The following CRYAB variants were observed in gnomAD, a reference collection of about 807,000 sequenced individuals.
The protein encoded by CRYAB is alpha-crystallin B chain.
Under a neutral mutation model 12.7 loss-of-function variants are expected in CRYAB, and 9 were observed. The ratio of observed to expected loss-of-function variants is 0.71; its 90% CI spans 0.43 to 1.24. CRYAB has a LOEUF of 1.24. Among genes scored for constraint, CRYAB ranks in the 50% most tolerant of loss-of-function variants. CRYAB has a pLI of 0.00. For synonymous variants in CRYAB, 93 were observed against 86.8 expected (o/e 1.07, Z -0.40); for missense variants, 183 against 226.6 (o/e 0.81, Z 1.24).
At chr11:111,912,949 CCCCCCA>C (rs1555165794), upstream of CRYAB, 2 of 969,354 alleles carry the variant, frequency 2.1e-6, no homozygotes, top group Non-Finnish European at 1.4e-6. Context: ...CACCCCCTTG[CCCCCCA>C]CCCCCACCCC....
intron 1 of CRYAB, chr11:111,918,627 T>C (rs1566421508): frequency 1.5e-6 from 1 of 670,736 alleles, no homozygotes; most frequent in South Asian, 1.5e-5. Context: ...GACAGAGTGA[T>C]GTAATGGAGA....
chr11:111,916,404 G>T (rs1187066709), upstream of CRYAB, among the ~76,000 whole-genome samples: 1 of 151,262 alleles, frequency 6.6e-6, no homozygotes, highest in Non-Finnish European at 1.5e-5. Flanking sequence ...CTAATTTTTT[G>T]TAGAGACTGG....
intron 1 of CRYAB, among the ~76,000 whole-genome samples, chr11:111,921,116 A>G (rs1965691179): frequency 6.6e-6 from 1 of 152,240 alleles, no homozygotes; most frequent in African/African-American, 2.4e-5. Context: ...GGAAGATGTC[A>G]TGTTATAAAT....
upstream of CRYAB, chr11:111,912,872 G>A: frequency 1.2e-6 from 2 of 1,609,726 alleles, no homozygotes. Context: ...GGCCACCGCC[G>A]AGTACGAATT....
chr11:111,911,204 A>G (rs2137383623), intron 1 of CRYAB, among the ~76,000 whole-genome samples: 1 of 152,294 alleles, frequency 6.6e-6, no homozygotes, highest in South Asian at 2.1e-4. Flanking sequence ...GTTGGAAGAG[A>G]TAAGCAAAGG....
chr11:111,912,096 G>A (rs565997666), upstream of CRYAB: 2 of 275,872 alleles, frequency 7.2e-6, no homozygotes, highest in East Asian at 8.2e-5. Flanking sequence ...ATGGGAGCCG[G>A]CGTAGTGTGC....
chr11:111,913,709 T>C (rs1157963661), upstream of CRYAB: 1 of 1,614,044 alleles, frequency 6.2e-7, no homozygotes, highest in Non-Finnish European at 8.5e-7. Context: ...GCCGCACCTA[T>C]GTCCTGCCTG....
At chr11:111,913,363 T>C (rs1555165837), upstream of CRYAB, 5 of 1,124,052 alleles carry the variant, frequency 4.4e-6, no homozygotes, top group Non-Finnish European at 6.5e-6. Flanking sequence ...CAATCCCTCC[T>C]CTCCAGATTT....
chr11:111,920,921 A>G (rs1965686868), intron 1 of CRYAB, among the ~76,000 whole-genome samples: 1 of 152,252 alleles, frequency 6.6e-6, no homozygotes, highest in Non-Finnish European at 1.5e-5. Context: ...TAGATAATAC[A>G]TCCTACATTG....
chr11:111,914,045 A>T, upstream of CRYAB: 1 of 734,762 alleles, frequency 1.4e-6, no homozygotes. Flanking sequence ...GACATGTCAT[A>T]GCCTTGGTTT....
chr11:111,913,589 C>G (rs147812082), upstream of CRYAB: 6 of 1,614,074 alleles, frequency 3.7e-6, no homozygotes, highest in African/African-American at 8.0e-5. Flanking sequence ...TGGATGTGAG[C>G]CACTTTACCC....
intron 1 of CRYAB, chr11:111,918,907 G>A: frequency 2.5e-6 from 4 of 1,598,600 alleles, no homozygotes; most frequent in Non-Finnish European, 3.4e-6. Flanking sequence ...GCTCAACCAG[G>A]AACCCGGAAA....
At chr11:111,912,534 T>C (rs1965498505), upstream of CRYAB, 3 of 479,796 alleles carry the variant, frequency 6.3e-6, no homozygotes, top group South Asian at 2.6e-5. Context: ...CAGCTCCCCC[T>C]CCCCAGCTCG....
At chr11:111,918,741 G>A in intron 1 of CRYAB, 1 of 682,764 alleles carries the variant, frequency 1.5e-6, no homozygotes, top group Middle Eastern at 2.3e-4. Context: ...TTCAAATCCT[G>A]AAGTTGAGAT....
upstream of CRYAB, among the ~76,000 whole-genome samples, chr11:111,916,781 T>C (rs1473314976): frequency 2.6e-5 from 4 of 152,210 alleles, no homozygotes; most frequent in Admixed American, 2.0e-4. Context: ...TATTCCTCTA[T>C]TGATTTCTTT....
chr11:111,911,651 T>G lies in CRYAB; in HGVS notation c.74A>C (p.Asp25Ala). The change falls in exon 1 of 3, where the codon GAC becomes GCC. Residue 25 changes from aspartate to alanine, a missense_variant. Asp to Ala is a moderately radical substitution (Grantham distance 126). Around this residue, in one of 3 missense-constraint regions of CRYAB, gnomAD observed 86 missense variants for 96.1 expected, o/e 0.89. Coordinates refer to ENST00000650687, the MANE Select transcript of CRYAB (RefSeq NM_001289808.2). Reference protein sequence around the residue: ...FPFHSPSRLFDQFFGEHLLES... With the variant: ...FPFHSPSRLFAQFFGEHLLES... ...CAACAGGTGCTCTCCGAAGAACTGGTCAAAGAGGCGGCTGGGGGAGTGGAA... is the reference window on the plus strand; with the variant it reads ...CAACAGGTGCTCTCCGAAGAACTGGGCAAAGAGGCGGCTGGGGGAGTGGAA... 6.2e-7 allele frequency: 1 copy of G among 1,610,494 alleles called. No homozygotes were observed. The highest frequency in any genetic ancestry group is 8.5e-7 in the Non-Finnish European group (1 of 1,178,618).
chr11:111,919,665 A>G (rs1217866856), intron 1 of CRYAB, among the ~76,000 whole-genome samples: 1 of 152,144 alleles, frequency 6.6e-6, no homozygotes, highest in Admixed American at 6.5e-5. Context: ...TTACAGTCTC[A>G]TTTAATTTTT....
intron 1 of CRYAB, among the ~76,000 whole-genome samples, chr11:111,923,141 T>G (rs1023072760): frequency 5.9e-5 from 9 of 152,218 alleles, no homozygotes; most frequent in Admixed American, 3.9e-4. Flanking sequence ...GGCAAAGAAT[T>G]AGAAGATTAT....
chr11:111,910,509 C>A (rs529662449), intron 1 of CRYAB, 60 bp from the exon 2 acceptor site: 44 of 1,597,388 alleles, frequency 2.8e-5, no homozygotes, highest in Non-Finnish European at 3.6e-5. Flanking sequence ...ACTGATTACA[C>A]AGGTGCTGTC....
Sources: gnomAD v4.1 joint callset for allele counts (sites outside exome capture counted in the v4.1 genomes callset) on GRCh38, gnomAD v4.1.1 for gene constraint, gnomAD v4.1.1 regional missense constraint, MANE v1.5 for transcripts, NCBI Gene and HGNC (gene_info 2026-07-23, HGNC 2026-07-21) for gene names.